PCNX4: variants seen among roughly 807,000 people sequenced by gnomAD.
The protein encoded by PCNX4 is pecanex-like protein 4.
PCNX4 carries 103 observed loss-of-function variants against 107.2 expected under a neutral mutation model. The observed-to-expected ratio is 0.96, with a 90% confidence interval of 0.82 to 1.13. The LOEUF (loss-of-function observed/expected upper bound fraction) is 1.13. PCNX4 is among the 50% of genes most tolerant of loss of function. The probability of loss-of-function intolerance (pLI) is 0.00; values close to 1 mark genes in which losing one functional copy is unlikely to be tolerated. For missense variants in PCNX4, 1,528 were observed against 1,379.4 expected, an observed-to-expected ratio of 1.11 and a Z score of -1.71; for synonymous variants, 541 against 481.7, an observed-to-expected ratio of 1.12 and a Z score of -1.61.
intron 1 of PCNX4, among the ~76,000 whole-genome samples, chr14:60,103,517 A>G: frequency 6.6e-6 from 1 of 152,174 alleles, no homozygotes; most frequent in East Asian, 1.9e-4. Flanking sequence ...AGCCTTTTAA[A>G]AATAGTTCAT....
intron 7 of PCNX4, among the ~76,000 whole-genome samples, chr14:60,120,233 C>T (rs1043419321): frequency 6.6e-6 from 1 of 152,170 alleles, no homozygotes; most frequent in African/African-American, 2.4e-5. Context: ...AATGCCCTGG[C>T]AACAAGTTGT....
At position 60,145,193 on chromosome 14, in the gene PCNX4, C is replaced by A; in HGVS notation, c.*10972C>A. 2.1e-6 allele frequency: 1 copy of A among 465,778 alleles called. No homozygotes were observed. The highest frequency in any genetic ancestry group is 3.7e-6 in the Non-Finnish European group (1 of 269,934). The allele number at this position is 465,778 out of a possible 1,614,324, so 28.9% of individuals were successfully genotyped here. On this transcript the variant is annotated 3_prime_UTR_variant, in exon 11 of 11. Transcript: ENST00000406854. The surrounding 1 kb of genome is among the most constrained non-coding windows in gnomAD (Gnocchi z 4.0). The stretch of plus-strand genomic sequence containing the variant: ...AATCATAGCCAAAATTCTAGATGTA[C>A]ACAAAAGTACTTCTAATGAGTTTAG...
intron 10 of PCNX4, chr14:60,126,026 A>C (rs1284170615): frequency 5.4e-6 from 2 of 373,370 alleles, no homozygotes; most frequent in Non-Finnish European, 9.5e-6. Flanking sequence ...TGCCAACTGA[A>C]GAGGAGCCAA....
chr14:60,112,494 T>C (rs1873433970), intron 2 of PCNX4, among the ~76,000 whole-genome samples: 1 of 152,208 alleles, frequency 6.6e-6, no homozygotes, highest in Admixed American at 6.5e-5. Flanking sequence ...TGGAGCTAAG[T>C]CCTATATACA....
rs1470793377 is a variant in PCNX4 at position 60,144,086 on chromosome 14, AAT to A, written c.*9866_*9867del. ...TCTATCTTAGTGGGCTGTTATGAGGAATGAGTTAATTAACTAATACTAAGCAC... is the reference window on the plus strand; with the variant it reads ...TCTATCTTAGTGGGCTGTTATGAGGAGAGTTAATTAACTAATACTAAGCAC... On this transcript the variant is annotated 3_prime_UTR_variant, in exon 11 of 11. Coordinates refer to ENST00000406854, the MANE Select transcript of PCNX4 (RefSeq NM_001330177.2). 1.3e-5 allele frequency: 2 copies of A among 152,172 alleles called. No individual in the cohort carries two copies. The highest frequency in any genetic ancestry group is 2.9e-5 in the Non-Finnish European group (2 of 68,024). The allele number at this position is 152,172 out of a possible 1,614,324, so 9.4% of individuals were successfully genotyped here. A position where few individuals can be genotyped will look rare whatever the true frequency, so the allele number is the denominator to read the frequency against.
chr14:60,118,120 T>G (rs1895884884), intron 6 of PCNX4, among the ~76,000 whole-genome samples: 1 of 151,790 alleles, frequency 6.6e-6, no homozygotes. Context: ...TGTTACTGTT[T>G]TTTTTTTTTA....
Position 60,124,432 on chromosome 14 carries a change from A to G in PCNX4, c.2261A>G (p.Lys754Arg). ...ATAATTGATTCTCATGAAAACTTAAAAGAATTTAAAGGTGACCTCATTAAA... is the reference window on the plus strand; with the variant it reads ...ATAATTGATTCTCATGAAAACTTAAGAGAATTTAAAGGTGACCTCATTAAA... The part of the protein sequence containing the change: ...SGIIDSHENL[K>R]EFKGDLIKVL... The change falls in exon 9 of 11, where the codon AAA (lysine) becomes AGA (arginine). Residue 754 changes from lysine to arginine, a missense_variant. Transcript: ENST00000406854. The G allele has an allele frequency of 6.2e-7, 1 of 1,613,648 alleles. No individual in the cohort carries two copies. Among genetic ancestry groups the G allele is most frequent in the Non-Finnish European group, 8.5e-7 (1 of 1,179,686 alleles).
At position 60,135,209 on chromosome 14, in the gene PCNX4, T is replaced by G. The variant is rs1441525276; in HGVS notation, c.*988T>G. 4 of 152,242 alleles carry G rather than the reference T, an allele frequency of 2.6e-5. No homozygotes were observed. Among genetic ancestry groups the G allele is most frequent in the Admixed American group, 1.3e-4 (2 of 15,282 alleles). 9.4% of individuals were successfully genotyped at this position (152,242 alleles called of 1,614,324 possible). On this transcript the variant is annotated 3_prime_UTR_variant, in exon 11 of 11. Coordinates refer to ENST00000406854, the MANE Select transcript of PCNX4 (RefSeq NM_001330177.2). ...GAAATCAGTAGGAGCCCCCTAGATT[T>G]ATAATAATGTATTCTCCTTAGAAAT...
At chr14:60,099,158 T>C (rs1038106071) in intron 1 of PCNX4, among the ~76,000 whole-genome samples, 1 of 152,210 alleles carries the variant, frequency 6.6e-6, no homozygotes, top group African/African-American at 2.4e-5. Flanking sequence ...TAGCAAGTGA[T>C]TTTTATCCAG....
intron 1 of PCNX4, among the ~76,000 whole-genome samples, chr14:60,097,201 C>G (rs1016524431): frequency 6.1e-4 from 93 of 152,148 alleles, no homozygotes; most frequent in African/African-American, 2.1e-3. Context: ...GCATTGACAA[C>G]TAATAACTGA....
In PCNX4 at chr14:60,147,550, A is replaced by G. The variant is rs1402318146; in HGVS notation, c.*13329A>G. On this transcript the variant is annotated 3_prime_UTR_variant, in exon 11 of 11. Transcript: ENST00000406854. ...AATCTTTGATCATTAAGGAAGCTGA[A>G]TATCCTGCTATATCTAACTCAAGCT... The G allele has an allele frequency of 6.6e-6, 1 of 152,204 alleles. No individual in the cohort carries two copies. The highest frequency in any genetic ancestry group is 2.4e-5 in the African/African-American group (1 of 41,454). 9.4% of individuals were successfully genotyped at this position (152,204 alleles called of 1,614,324 possible). A position where few individuals can be genotyped will look rare whatever the true frequency, so the allele number is the denominator to read the frequency against.
Position 60,107,776 on chromosome 14 carries a change from T to G in PCNX4, c.138T>G (p.Ile46Met), listed in dbSNP as rs1241816161. The G allele has an allele frequency of 1.2e-6, 2 of 1,612,698 alleles. No homozygotes were observed. Among genetic ancestry groups the G allele is most frequent in the Non-Finnish European group, 1.7e-6 (2 of 1,179,820 alleles). ...APPYIYVNQI[I>M]LFLMPWVWGG... Reference sequence around the variant, plus strand: ...CTTACATATATGTTAATCAAATTATTCTTTTTCTAATGCCATGGGTTTGGG... The same window carrying G: ...CTTACATATATGTTAATCAAATTATGCTTTTTCTAATGCCATGGGTTTGGG... The change falls in exon 2 of 11, where the codon ATT becomes ATG. Residue 46 changes from isoleucine (I) to methionine (M), a missense_variant. Coordinates refer to ENST00000406854, the MANE Select transcript of PCNX4 (RefSeq NM_001330177.2).
In PCNX4 at chr14:60,111,947, G is replaced by A. The variant is rs566856266; in HGVS notation, c.690-2753G>A. On this transcript the variant is annotated intron_variant, in intron 2 of 10. Coordinates refer to ENST00000406854, the MANE Select transcript of PCNX4 (RefSeq NM_001330177.2). ...AATTGAGATCATCTCTAGACAATAG[G>A]TGTGATACTGCTGCCAAATGATGTA... is the stretch of plus-strand genomic sequence containing the variant. Among the ~76,000 whole-genome samples, 23 of 152,296 alleles carry A rather than the reference G, an allele frequency of 1.5e-4. No homozygotes were observed. In the South Asian group the frequency reaches 4.8e-3, roughly 32 times the overall value.
At chr14:60,120,154 AATC>A (rs1371127385) in intron 7 of PCNX4, among the ~76,000 whole-genome samples, 7 of 152,148 alleles carry the variant, frequency 4.6e-5, no homozygotes, top group African/African-American at 7.2e-5. Context: ...CAAAGGGAAA[AATC>A]ATAAGGAGTA....
At position 60,120,068 on chromosome 14, in the gene PCNX4, A is replaced by G. The variant is rs117409702; in HGVS notation, c.1943-1128A>G. Among the ~76,000 whole-genome samples the G allele has an allele frequency of 3.9e-5, 6 of 152,220 alleles. No individual in the cohort carries two copies. The East Asian group carries it at 1.2e-3, about 29-fold the overall frequency. ...TGTGTTTTGGGGGGTCCTCAAGACT[A>G]CCCCAGGTTTGATGGTTCACTAGGA... On this transcript the variant is annotated intron_variant, in intron 7 of 10. Coordinates refer to ENST00000406854, the MANE Select transcript of PCNX4 (RefSeq NM_001330177.2).
chr14:60,143,882 C>G lies in PCNX4; in HGVS notation c.*9661C>G, dbSNP rs1896337567. ...TCCTATTAGTGCCTGTGCATGTTTTCTGCTGTAAGGTGTTAAATGTTAAAG... is the reference window on the plus strand; with the variant it reads ...TCCTATTAGTGCCTGTGCATGTTTTGTGCTGTAAGGTGTTAAATGTTAAAG... On this transcript the variant is annotated 3_prime_UTR_variant, in exon 11 of 11. Transcript: ENST00000406854. 2 of 152,200 alleles carry G rather than the reference C, an allele frequency of 1.3e-5. No individual in the cohort carries two copies. The highest frequency in any genetic ancestry group is 4.1e-4 in the South Asian group (2 of 4,834). 9.4% of individuals were successfully genotyped at this position (152,200 alleles called of 1,614,324 possible).
intron 10 of PCNX4, chr14:60,133,644 A>G: frequency 2.0e-6 from 1 of 502,492 alleles, no homozygotes. Context: ...TGTATCATTC[A>G]CCACCAAATA....
chr14:60,122,790 ATGTTTTGTTT>A (rs776518662), intron 8 of PCNX4, among the ~76,000 whole-genome samples: 1 of 152,052 alleles, frequency 6.6e-6, no homozygotes, highest in Non-Finnish European at 1.5e-5. Flanking sequence ...CCTTTAACAA[ATGTTTTGTTT>A]TGTTTTGTTT....
At position 60,115,387 on chromosome 14, in the gene PCNX4, C is replaced by A; in HGVS notation, c.1283C>A (p.Thr428Asn). 6.3e-7 allele frequency: 1 copy of A among 1,586,396 alleles called. No individual in the cohort carries two copies. The highest frequency in any genetic ancestry group is 8.6e-7 in the Non-Finnish European group (1 of 1,168,102). ...CCCTTTTATCCGAAGGATGTGCAAA[C>A]TGTGACTGTATTCTTTGAGAAGCAA... Reference protein sequence around the residue: ...RNPFYPKDVQTVTVFFEKQTR... With the variant: ...RNPFYPKDVQNVTVFFEKQTR... The change falls in exon 4 of 11, where the codon ACT becomes AAT. Residue 428 changes from threonine to asparagine, a missense_variant. Thr to Asn is a moderately conservative substitution (Grantham distance 65). Coordinates refer to ENST00000406854, the MANE Select transcript of PCNX4 (RefSeq NM_001330177.2).
Sources: gnomAD v4.1 joint callset for allele counts (sites outside exome capture counted in the v4.1 genomes callset) on GRCh38, gnomAD v4.1.1 for gene constraint, Gnocchi (gnomAD v3.1) non-coding constraint, MANE v1.5 for transcripts, NCBI Gene and HGNC (gene_info 2026-07-23, HGNC 2026-07-21) for gene names.